The following SMYD3 variants were observed in gnomAD, a reference collection of about 807,000 sequenced individuals.
The protein encoded by SMYD3 is histone-lysine N-methyltransferase SMYD3.
Under a neutral mutation model 57.7 loss-of-function variants are expected in SMYD3, and 36 were observed. That is an observed-to-expected ratio of 0.62 (90% CI 0.48 to 0.82). The LOEUF (loss-of-function observed/expected upper bound fraction) is 0.82, where lower values mean the gene tolerates loss of function less well. SMYD3 is among the 40% of genes least tolerant of loss of function. The pLI is 0.00. For missense variants in SMYD3, 515 were observed against 538.8 expected, an observed-to-expected ratio of 0.96 and a Z score of 0.44; for synonymous variants, 211 against 195.0, an observed-to-expected ratio of 1.08 and a Z score of -0.68.
rs76105796 is a variant in SMYD3, at chr1:246,120,183, A to G, written c.532-190246T>C. Among the ~76,000 whole-genome samples the G allele has an allele frequency of 9.2e-5, 14 of 152,312 alleles. No homozygotes were observed. In the East Asian group the frequency reaches 2.5e-3, roughly 27 times the overall value. ...GATAAGGATGGTCTCTTCTCCAGGT[A>G]TAGAGAGTATGCCTCTGGAATGAAG... On this transcript the variant is annotated intron_variant, in intron 5 of 11. Coordinates refer to ENST00000490107, the MANE Select transcript of SMYD3 (RefSeq NM_001167740.2).
At chr1:245,953,000 T>C (rs561239117) in intron 5 of SMYD3, among the ~76,000 whole-genome samples, 1 of 152,226 alleles carries the variant, frequency 6.6e-6, no homozygotes, top group Non-Finnish European at 1.5e-5. Flanking sequence ...AGAAAGGTAA[T>C]TATCAGACAG....
chr1:246,015,321 A>C (rs983393272), intron 5 of SMYD3, among the ~76,000 whole-genome samples: 8 of 152,200 alleles, frequency 5.3e-5, no homozygotes, highest in African/African-American at 1.9e-4. Context: ...TATAAGCTAA[A>C]GATAACAGAA....
At chr1:245,874,236 G>A (rs2052371668) in intron 8 of SMYD3, among the ~76,000 whole-genome samples, 1 of 152,140 alleles carries the variant, frequency 6.6e-6, no homozygotes, top group Admixed American at 6.6e-5. Context: ...TTTGACAATG[G>A]TTATTTAATT....
chr1:246,186,742 C>A (rs926172798), intron 5 of SMYD3: 5 of 985,232 alleles, frequency 5.1e-6, no homozygotes, highest in Admixed American at 6.2e-5. Flanking sequence ...TGAATACTTA[C>A]AATAATCCCA....
intron 1 of SMYD3, among the ~76,000 whole-genome samples, chr1:246,428,525 A>T (rs2103006181): frequency 6.6e-6 from 1 of 152,376 alleles, no homozygotes; most frequent in East Asian, 1.9e-4. Context: ...TCCTTGCCAC[A>T]ACTTTCTGAG....
intron 5 of SMYD3, among the ~76,000 whole-genome samples, chr1:246,034,000 A>C (rs73132371): frequency 0.011 from 1,744 of 152,278 alleles, 33 homozygotes; most frequent in African/African-American, 0.039. Flanking sequence ...TAAAATAATC[A>C]TATTTCAGAA....
intron 5 of SMYD3, among the ~76,000 whole-genome samples, chr1:245,992,327 T>C (rs796279818): frequency 6.6e-6 from 1 of 151,876 alleles, no homozygotes; most frequent in African/African-American, 2.4e-5. Context: ...ATTCTATTGG[T>C]CACACACACC....
At chr1:246,186,881 T>C (rs2062649523) in intron 5 of SMYD3, 1 of 985,372 alleles carries the variant, frequency 1.0e-6, no homozygotes, top group Non-Finnish European at 1.2e-6. Context: ...CGCAGGAGAA[T>C]GTCTCTGAAG....
intron 5 of SMYD3, among the ~76,000 whole-genome samples, chr1:245,935,701 C>G (rs2056955050): frequency 1.3e-5 from 2 of 151,994 alleles, no homozygotes; most frequent in South Asian, 4.2e-4. Flanking sequence ...AATATTCAGC[C>G]CTTAAAAAGA....
intron 10 of SMYD3, among the ~76,000 whole-genome samples, chr1:245,769,227 T>A (rs553130194): frequency 6.6e-6 from 1 of 152,316 alleles, no homozygotes; most frequent in Admixed American, 6.5e-5. Flanking sequence ...GATTAACTTG[T>A]CACCATCTAA....
chr1:245,790,973 T>C (rs956665262), intron 10 of SMYD3, among the ~76,000 whole-genome samples: 4 of 152,168 alleles, frequency 2.6e-5, no homozygotes, highest in African/African-American at 7.2e-5. Context: ...GTGATACAAA[T>C]GACCCTTTTT....
intron 10 of SMYD3, among the ~76,000 whole-genome samples, chr1:245,842,554 G>A (rs1228750941): frequency 3.3e-5 from 5 of 152,110 alleles, no homozygotes; most frequent in Non-Finnish European, 7.3e-5. Context: ...ACAGCAAGCC[G>A]ACTTTGATAA....
chr1:245,986,622 T>C (rs966417222), intron 5 of SMYD3, among the ~76,000 whole-genome samples: 5 of 152,194 alleles, frequency 3.3e-5, no homozygotes, highest in African/African-American at 1.2e-4. Flanking sequence ...TGGTCTTCAG[T>C]GACGGTTTTA....
chr1:246,313,510 G>A (rs1308996078), intron 5 of SMYD3, among the ~76,000 whole-genome samples: 1 of 152,158 alleles, frequency 6.6e-6, no homozygotes, highest in Non-Finnish European at 1.5e-5. Context: ...CCTAATTCAG[G>A]TGATCCTAAT....
intron 5 of SMYD3, among the ~76,000 whole-genome samples, chr1:246,287,393 C>A (rs1221870376): frequency 1.3e-5 from 2 of 152,092 alleles, no homozygotes; most frequent in Non-Finnish European, 2.9e-5. Flanking sequence ...AATGTAATCA[C>A]TATTTAATAG....
At chr1:246,348,213 C>T (rs2065758964) in intron 2 of SMYD3, among the ~76,000 whole-genome samples, 1 of 151,428 alleles carries the variant, frequency 6.6e-6, no homozygotes, top group African/African-American at 2.4e-5. Flanking sequence ...GTCAGCAGTT[C>T]GAGACCAGCC....
chr1:246,328,150 C>T (rs962090687), intron 4 of SMYD3, among the ~76,000 whole-genome samples: 5 of 151,976 alleles, frequency 3.3e-5, no homozygotes, highest in Admixed American at 1.3e-4. Flanking sequence ...GCCAACATCG[C>T]GCCACTGCAC....
At chr1:245,914,774 T>C (rs917822749) in intron 8 of SMYD3, among the ~76,000 whole-genome samples, 3 of 152,138 alleles carry the variant, frequency 2.0e-5, no homozygotes, top group Non-Finnish European at 4.4e-5. Context: ...AAATGATAAA[T>C]ATATGAGGTG....
chr1:246,193,081 A>G (rs2062766934), intron 5 of SMYD3, among the ~76,000 whole-genome samples: 1 of 152,180 alleles, frequency 6.6e-6, no homozygotes, highest in African/African-American at 2.4e-5. Context: ...TTCTAGTTAA[A>G]CCCAATAAAA....
Sources: allele counts gnomAD v4.1 joint callset (sites outside exome capture counted in the v4.1 genomes callset), GRCh38; gene constraint gnomAD v4.1.1; transcripts MANE v1.5; gene names NCBI Gene and HGNC (gene_info 2026-07-23, HGNC 2026-07-21).